MGAT4C: variants seen among roughly 807,000 people sequenced by gnomAD.
MGAT4C encodes MGAT4 family member C.
A neutral mutation model predicts 40.1 loss-of-function variants in MGAT4C; 19 were observed. The ratio of observed to expected loss-of-function variants is 0.47; its 90% CI spans 0.33 to 0.70. The LOEUF (loss-of-function observed/expected upper bound fraction) is 0.70, where lower values mean the gene tolerates loss of function less well. Among genes scored for constraint, MGAT4C ranks in the 30% least tolerant of loss-of-function variants. MGAT4C has a pLI of 0.02. For missense variants in MGAT4C, 491 were observed against 563.2 expected (o/e 0.87, Z 1.30); for synonymous variants, 181 against 187.1 (o/e 0.97, Z 0.27).
At chr12:86,429,172 T>G (rs955897127) in intron 3 of MGAT4C, among the ~76,000 whole-genome samples, 1 of 152,156 alleles carries the variant, frequency 6.6e-6, no homozygotes, top group Non-Finnish European at 1.5e-5. Context: ...CATTTGTGTT[T>G]GTCTCAAGAT....
intron 4 of MGAT4C, among the ~76,000 whole-genome samples, chr12:86,265,935 C>T (rs1002181239): frequency 6.6e-6 from 1 of 152,130 alleles, no homozygotes; most frequent in Non-Finnish European, 1.5e-5. Flanking sequence ...ATTTGGTTCT[C>T]AGCTAAATTG....
chr12:86,484,176 G>C (rs1047052497), intron 2 of MGAT4C, among the ~76,000 whole-genome samples: 2 of 152,082 alleles, frequency 1.3e-5, no homozygotes, highest in African/African-American at 4.8e-5. Context: ...AGAGTAGACA[G>C]AGACAGAGAC....
chr12:86,294,567 T>G (rs1953614551), intron 4 of MGAT4C, among the ~76,000 whole-genome samples: 1 of 152,220 alleles, frequency 6.6e-6, no homozygotes, highest in Non-Finnish European at 1.5e-5. Context: ...CAACTGTACT[T>G]TCTCCCAGAC....
At chr12:86,430,528 G>A (rs534377734) in intron 3 of MGAT4C, among the ~76,000 whole-genome samples, 4 of 152,280 alleles carry the variant, frequency 2.6e-5, no homozygotes, top group Non-Finnish European at 5.9e-5. Context: ...GTTTGGGTGA[G>A]GTTGCTCTTT....
chr12:86,687,697 A>G (rs1275220765), intron 2 of MGAT4C, among the ~76,000 whole-genome samples: 1 of 152,172 alleles, frequency 6.6e-6, no homozygotes, highest in African/African-American at 2.4e-5. Flanking sequence ...CTGTGGTCTG[A>G]GAGACTGTTA....
intron 2 of MGAT4C, among the ~76,000 whole-genome samples, chr12:86,718,939 G>A (rs887969641): frequency 6.6e-6 from 1 of 152,032 alleles, no homozygotes; most frequent in Non-Finnish European, 1.5e-5. Context: ...GGTGGCCTTA[G>A]GGTACCTGGG....
At chr12:85,980,937 A>AT (rs146980148) in intron 4 of MGAT4C, among the ~76,000 whole-genome samples, 1 of 152,140 alleles carries the variant, frequency 6.6e-6, no homozygotes, top group East Asian at 1.9e-4. Flanking sequence ...TCATCTTTAA[A>AT]TTTTTTATAG....
chr12:86,814,926 T>C (rs1232150911), intron 1 of MGAT4C, among the ~76,000 whole-genome samples: 1 of 152,066 alleles, frequency 6.6e-6, no homozygotes, highest in Non-Finnish European at 1.5e-5. Context: ...ACTTTTATTG[T>C]TTATAAAGTA....
Position 86,544,449 on chromosome 12 carries a change from C to A in MGAT4C, c.-228-109184G>T, listed in dbSNP as rs571787391. Among the ~76,000 whole-genome samples the A allele has an allele frequency of 1.1e-4, 17 of 151,846 alleles. No individual in the cohort carries two copies. The East Asian group carries it at 3.3e-3, about 29-fold the overall frequency. The stretch of plus-strand genomic sequence containing the variant: ...GTGTGTAACATTTTGATGTTTATTT[C>A]TATAATTATCTAATGTTTCTGAAAG... On this transcript the variant is annotated intron_variant, in intron 2 of 7. Transcript: ENST00000548651.
intron 4 of MGAT4C, among the ~76,000 whole-genome samples, chr12:86,266,452 T>C (rs1234700203): frequency 6.6e-6 from 1 of 152,198 alleles, no homozygotes. Flanking sequence ...CTGGTCAGCA[T>C]ATGTTTAATC....
Position 86,825,056 on chromosome 12 carries a change from AG to A in MGAT4C, c.-262+13609del, listed in dbSNP as rs974210775. 1.1e-3 allele frequency among the ~76,000 whole-genome samples: 166 copies of A among 151,494 alleles called. 1 individual carries two copies. Among genetic ancestry groups the A allele is most frequent in the African/African-American group, 3.8e-3 (157 of 41,470 alleles). ...ATCAAAAATGACTAGAAAAACCGCT[AG>A]AGTAGGAAGGAATTTATACATTTAT... On this transcript the variant is annotated intron_variant, in intron 1 of 7. Transcript: ENST00000548651.
chr12:86,227,080 C>A (rs2471560), intron 1 of MGAT4C, among the ~76,000 whole-genome samples: 97,187 of 151,638 alleles, frequency 0.64, 32,013 homozygotes, highest in South Asian at 0.76. Context: ...ATCCAGGGGT[C>A]TTTAAAAATT....
intron 4 of MGAT4C, among the ~76,000 whole-genome samples, chr12:86,274,731 T>C (rs994537269): frequency 6.6e-6 from 1 of 152,208 alleles, no homozygotes; most frequent in Non-Finnish European, 1.5e-5. Flanking sequence ...TATACCCAGA[T>C]TGGCTGGAGT....
intron 2 of MGAT4C, among the ~76,000 whole-genome samples, chr12:86,698,826 A>G (rs1950305286): frequency 6.6e-6 from 1 of 152,088 alleles, no homozygotes; most frequent in Non-Finnish European, 1.5e-5. Context: ...ACTCTAACAG[A>G]TTGCAGTCCC....
chr12:86,825,750 C>G (rs1056926719), intron 1 of MGAT4C, among the ~76,000 whole-genome samples: 21 of 151,362 alleles, frequency 1.4e-4, no homozygotes, highest in African/African-American at 4.1e-4. Context: ...GCTCTAGAAA[C>G]TAAGCTTTTT....
intron 1 of MGAT4C, among the ~76,000 whole-genome samples, chr12:86,184,598 T>C (rs944130279): frequency 6.7e-6 from 1 of 149,690 alleles, no homozygotes; most frequent in Non-Finnish European, 1.5e-5. Context: ...TATACATTAC[T>C]TAGTTTGTTG....
chr12:86,328,937 C>G (rs1018975343), intron 4 of MGAT4C, among the ~76,000 whole-genome samples: 3 of 151,518 alleles, frequency 2.0e-5, no homozygotes, highest in Non-Finnish European at 2.9e-5. Flanking sequence ...AACTTCATCT[C>G]TACTAAAAAT....
chr12:86,712,100 C>A (rs1000677580), intron 2 of MGAT4C, among the ~76,000 whole-genome samples: 2 of 152,018 alleles, frequency 1.3e-5, no homozygotes, highest in Non-Finnish European at 2.9e-5. Context: ...TTTCCCATTT[C>A]ATTTATTTAT....
At chr12:86,149,951 C>T (rs1884065586) in intron 1 of MGAT4C, among the ~76,000 whole-genome samples, 1 of 152,128 alleles carries the variant, frequency 6.6e-6, no homozygotes, top group Non-Finnish European at 1.5e-5. Context: ...ATATTCATTT[C>T]ACTGTATTTG....
Sources: gnomAD v4.1 joint callset for allele counts (sites outside exome capture counted in the v4.1 genomes callset) on GRCh38, gnomAD v4.1.1 for gene constraint, MANE v1.5 for transcripts, NCBI Gene and HGNC (gene_info 2026-07-23, HGNC 2026-07-21) for gene names.